Variants in CDH7 observed in about 807,000 individuals in gnomAD.
The protein encoded by CDH7 is cadherin-7.
CDH7 carries 25 observed loss-of-function variants against 71.8 expected under a neutral mutation model. The observed-to-expected ratio is 0.35, with a 90% confidence interval of 0.25 to 0.49. The LOEUF is 0.49. CDH7 is among the 20% of genes least tolerant of loss of function. The probability of loss-of-function intolerance (pLI) is 0.99; values close to 1 mark genes in which losing one functional copy is unlikely to be tolerated. For missense variants in CDH7, 862 were observed against 974.6 expected (o/e 0.88, Z 1.54); for synonymous variants, 381 against 363.8 (o/e 1.05, Z -0.54).
At chr18:65,864,889 TAAAAAAAAA>T (rs1191269381) in intron 11 of CDH7, among the ~76,000 whole-genome samples, 2 of 85,960 alleles carry the variant, frequency 2.3e-5, no homozygotes, top group African/African-American at 9.2e-5. Flanking sequence ...AGACTCCATC[TAAAAAAAAA>T]AAAAAAAAAA....
At chr18:65,790,378 A>G (rs1910671049) in intron 2 of CDH7, among the ~76,000 whole-genome samples, 1 of 152,202 alleles carries the variant, frequency 6.6e-6, no homozygotes. Context: ...CTCTCGATAA[A>G]GAAGAGTAGA....
At position 65,881,634 on chromosome 18, in the gene CDH7, A is replaced by AT. The variant is rs1349958983; in HGVS notation, c.*745dup. On this transcript the variant is annotated 3_prime_UTR_variant, in exon 12 of 12. Coordinates refer to ENST00000397968, the MANE Select transcript of CDH7 (RefSeq NM_004361.5). ...AAAAAAAGTTGCTGTCTGTTCATTG[A>AT]TTTTTATTATCTCTTCTGATTTGTA... 6.6e-6 allele frequency: 1 copy of AT among 151,918 alleles called. No individual in the cohort carries two copies. The highest frequency in any genetic ancestry group is 1.5e-5 in the Non-Finnish European group (1 of 67,950). 9.4% of individuals were successfully genotyped at this position (151,918 alleles called of 1,614,324 possible).
At chr18:65,755,110 A>G (rs12960411) in intron 1 of CDH7, among the ~76,000 whole-genome samples, 53,761 of 151,728 alleles carry the variant, frequency 0.35, 9,841 homozygotes, top group Middle Eastern at 0.48. Flanking sequence ...ACTTTGTTTC[A>G]CTTTTAGGAA....
At chr18:65,823,727 A>G (rs961805436) in intron 5 of CDH7, among the ~76,000 whole-genome samples, 1 of 151,922 alleles carries the variant, frequency 6.6e-6, no homozygotes, top group Admixed American at 6.6e-5. Flanking sequence ...CATAATACAG[A>G]CACATTTTCC....
chr18:65,791,939 A>G (rs1319623418), intron 2 of CDH7, among the ~76,000 whole-genome samples: 2 of 152,104 alleles, frequency 1.3e-5, no homozygotes, highest in African/African-American at 4.8e-5. Flanking sequence ...TTTATTTTCA[A>G]TGGCTATCTC....
chr18:65,777,394 AG>A (rs1390602562), intron 2 of CDH7, among the ~76,000 whole-genome samples: 1 of 152,062 alleles, frequency 6.6e-6, no homozygotes, highest in African/African-American at 2.4e-5. Context: ...ACGTACCAAA[AG>A]CTCCAGAGTC....
intron 2 of CDH7, among the ~76,000 whole-genome samples, chr18:65,807,367 A>G (rs1257000765): frequency 6.6e-6 from 1 of 152,204 alleles, no homozygotes; most frequent in Admixed American, 6.5e-5. Flanking sequence ...GGGACATTGT[A>G]GCACCATGCC....
At chr18:65,808,328 T>A (rs909212625) in intron 2 of CDH7, among the ~76,000 whole-genome samples, 1 of 152,202 alleles carries the variant, frequency 6.6e-6, no homozygotes, top group East Asian at 1.9e-4. Context: ...TAGAGGGAGA[T>A]ACATATATAA....
rs996274764 is a variant in CDH7, at chr18:65,887,299, G to A, written c.*6405G>A. 4 of 151,702 alleles carry A rather than the reference G, an allele frequency of 2.6e-5. No individual in the cohort carries two copies. Among genetic ancestry groups the A allele is most frequent in the Non-Finnish European group, 4.4e-5 (3 of 67,954 alleles). The allele number at this position is 151,702 out of a possible 1,614,324, so 9.4% of individuals were successfully genotyped here. Reference sequence around the variant, plus strand: ...TTATTATTATACTTTAAGTTTTAGGGTACATGTGCACAATGTGCAGGTTAG... The same window carrying A: ...TTATTATTATACTTTAAGTTTTAGGATACATGTGCACAATGTGCAGGTTAG... On this transcript the variant is annotated 3_prime_UTR_variant, in exon 12 of 12. Coordinates refer to ENST00000397968, the MANE Select transcript of CDH7 (RefSeq NM_004361.5).
chr18:65,777,416 G>T (rs563044875), intron 2 of CDH7, among the ~76,000 whole-genome samples: 21 of 151,992 alleles, frequency 1.4e-4, no homozygotes, highest in Non-Finnish European at 1.8e-4. Flanking sequence ...TCCAAAAGGA[G>T]ATTTATTATA....
At chr18:65,845,588 G>C (rs1451367879) in intron 7 of CDH7, among the ~76,000 whole-genome samples, 1 of 151,932 alleles carries the variant, frequency 6.6e-6, no homozygotes, top group Non-Finnish European at 1.5e-5. Context: ...TAAATCTCTT[G>C]CCCTCATGAA....
At chr18:65,859,498 G>A (rs1913483429) in intron 9 of CDH7, among the ~76,000 whole-genome samples, 1 of 152,172 alleles carries the variant, frequency 6.6e-6, no homozygotes, top group Admixed American at 6.5e-5. Context: ...GTTCACAAAA[G>A]TGAATTCAAA....
intron 6 of CDH7, among the ~76,000 whole-genome samples, chr18:65,825,525 C>T (rs1912096680): frequency 6.6e-6 from 1 of 151,662 alleles, no homozygotes; most frequent in South Asian, 2.1e-4. Context: ...GATATTTAAT[C>T]AAAAATAATA....
intron 2 of CDH7, among the ~76,000 whole-genome samples, chr18:65,781,839 T>TC (rs1910232265): frequency 8.4e-5 from 8 of 95,104 alleles, no homozygotes; most frequent in African/African-American, 5.4e-4. Context: ...TCTTTCTTTC[T>TC]TTCTTTCTTT....
chr18:65,793,323 C>T (rs933921185), intron 2 of CDH7, among the ~76,000 whole-genome samples: 5 of 151,312 alleles, frequency 3.3e-5, no homozygotes, highest in African/African-American at 1.2e-4. Flanking sequence ...ATTTCAGCTT[C>T]TCCACAGGCT....
rs1914292154 is a variant in CDH7 at position 65,883,576 on chromosome 18, A to C, written c.*2682A>C. 1 of 152,048 alleles carries C rather than the reference A, an allele frequency of 6.6e-6. No homozygotes were observed. Among genetic ancestry groups the C allele is most frequent in the African/African-American group, 2.4e-5 (1 of 41,418 alleles). The allele number at this position is 152,048 out of a possible 1,614,324, so 9.4% of individuals were successfully genotyped here. A position where few individuals can be genotyped will look rare whatever the true frequency, so the allele number is the denominator to read the frequency against. On this transcript the variant is annotated 3_prime_UTR_variant, in exon 12 of 12. Transcript: ENST00000397968. Reference sequence around the variant, plus strand: ...AACCAACTAGAATGAGCTCACAGGAACTAATTCTTCATATCTCTTCCCAAC... The same window carrying C: ...AACCAACTAGAATGAGCTCACAGGACCTAATTCTTCATATCTCTTCCCAAC...
intron 2 of CDH7, among the ~76,000 whole-genome samples, chr18:65,789,278 A>T (rs767612767): frequency 2.0e-5 from 3 of 152,182 alleles, no homozygotes; most frequent in Non-Finnish European, 4.4e-5. Flanking sequence ...ACTCCTAAAT[A>T]AATGGGACTA....
intron 2 of CDH7, among the ~76,000 whole-genome samples, chr18:65,779,189 C>T (rs1277821661): frequency 3.7e-5 from 5 of 136,690 alleles, no homozygotes; most frequent in African/African-American, 1.4e-4. Flanking sequence ...GAAGCCACAA[C>T]AGAAAATGTA....
rs187532297 is a variant in CDH7 at position 65,823,446 on chromosome 18, G to A, written c.793+1198G>A. 2.5e-3 allele frequency among the ~76,000 whole-genome samples: 387 copies of A among 151,912 alleles called. 3 individuals carry two copies. Among genetic ancestry groups the A allele is most frequent in the Middle Eastern group, 0.014 (4 of 294 alleles). ...TTATGTAGAATTTTAGTAGGATACA[G>A]GTTTTCTAGGCCATTATAGATCCCT... On this transcript the variant is annotated intron_variant, in intron 5 of 11. Coordinates refer to ENST00000397968, the MANE Select transcript of CDH7 (RefSeq NM_004361.5).
Sources: gnomAD v4.1 joint callset for allele counts (sites outside exome capture counted in the v4.1 genomes callset) on GRCh38, gnomAD v4.1.1 for gene constraint, MANE v1.5 for transcripts, NCBI Gene and HGNC (gene_info 2026-07-23, HGNC 2026-07-21) for gene names.